ALDH4A1: variants seen among roughly 807,000 people sequenced by gnomAD.
ALDH4A1 encodes aldehyde dehydrogenase 4 family member A1.
ALDH4A1 carries 46 observed loss-of-function variants against 70.5 expected under a neutral mutation model. That is an observed-to-expected ratio of 0.65 (90% confidence interval 0.51 to 0.83). The LOEUF (loss-of-function observed/expected upper bound fraction) is 0.83, where lower values mean the gene tolerates loss of function less well. ALDH4A1 is among the 40% of genes least tolerant of loss of function. The pLI, the probability that ALDH4A1 is intolerant of heterozygous loss-of-function variation, is 0.00. For missense variants in ALDH4A1, 749 were observed against 766.5 expected, an observed-to-expected ratio of 0.98 and a Z score of 0.27; for synonymous variants, 323 against 324.3, an observed-to-expected ratio of 1.00 and a Z score of 0.04.
At chr1:18,887,557 C>CCA (rs1935263856) in intron 3 of ALDH4A1, among the ~76,000 whole-genome samples, 1 of 152,136 alleles carries the variant, frequency 6.6e-6, no homozygotes, top group Non-Finnish European at 1.5e-5. Context: ...CGAGATCGCA[C>CCA]CACTGCACTC....
At chr1:18,885,441 G>GGCCCCCCCCCC in intron 5 of ALDH4A1, 32 bp downstream of exon 5, 1 of 423,744 alleles carries the variant, frequency 2.4e-6, no homozygotes, top group Non-Finnish European at 3.8e-6. Context: ...ACCCCACCCC[G>GGCCCCCCCCCC]CCCCACCCAC....
In ALDH4A1 at chr1:18,883,171, T is replaced by C. The variant is rs1402832186; in HGVS notation, c.631A>G (p.Asn211Asp). 6.2e-7 allele frequency: 1 copy of C among 1,613,150 alleles called. No homozygotes were observed. The highest frequency in any genetic ancestry group is 2.2e-5 in the East Asian group (1 of 44,862). ...AGGTTGCCGCCGATTGCAGTGAAGT[T>C]AAAGGGCGAGATGGCCGCCACGAAG... ...EGFVAAISPF[N>D]FTAIGGNLAG... is the part of the protein sequence containing the mutation. The change falls in exon 7 of 15, where the codon AAC becomes GAC. Residue 211 changes from asparagine to aspartate, a missense_variant. Asn to Asp is a conservative substitution (Grantham distance 23). Transcript: ENST00000375341.
intron 11 of ALDH4A1, among the ~76,000 whole-genome samples, 184 bp downstream of exon 11, chr1:18,877,024 G>A (rs974739171): frequency 1.3e-5 from 2 of 152,198 alleles, no homozygotes; most frequent in African/African-American, 4.8e-5. Context: ...ATGAGCTCTT[G>A]TCTGGCTACG....
chr1:18,889,435 C>A lies in ALDH4A1; in HGVS notation c.176G>T (p.Gly59Val). The change falls in exon 3 of 15, where the codon GGC becomes GTC. Residue 59 changes from glycine (G) to valine (V), a missense_variant. Transcript: ENST00000375341. ...ALQKALKDLK[G>V]RMEAIPCVVG... is the part of the protein sequence containing the mutation. ...CACGCATGGGATGGCTTCCATCCGGCCCTTCAGGTCCTTCAAGGCCTGGGG... is the reference window on the plus strand; with the variant it reads ...CACGCATGGGATGGCTTCCATCCGGACCTTCAGGTCCTTCAAGGCCTGGGG... 1 of 1,552,192 alleles carries A rather than the reference C, an allele frequency of 6.4e-7. No homozygotes were observed. Among genetic ancestry groups the A allele is most frequent in the Non-Finnish European group, 8.7e-7 (1 of 1,147,246 alleles).
chr1:18,875,260 G>A, intron 13 of ALDH4A1, 122 bp downstream of exon 13: 1 of 1,513,864 alleles, frequency 6.6e-7, no homozygotes, highest in East Asian at 2.3e-5. Flanking sequence ...CTGGGCTGAG[G>A]GGAGGGGACA....
Position 18,885,605 on chromosome 1 carries a change from C to T in ALDH4A1, c.321G>A (p.Glu107=), listed in dbSNP as rs768125176. ...ADKSLLNKAI[E]AALAARKEWD... ...ACTCTTTCCGGGCAGCCAGGGCAGC[C>T]TCAATGGCTTTGTTGAGCAGGCTCT... The change falls in exon 5 of 15, where the codon GAG becomes GAA. Residue 107 remains glutamate (E), a synonymous_variant. Coordinates refer to ENST00000375341, the MANE Select transcript of ALDH4A1 (RefSeq NM_003748.4). 1.2e-6 allele frequency: 2 copies of T among 1,614,020 alleles called. No individual in the cohort carries two copies. The highest frequency in any genetic ancestry group is 2.7e-5 in the African/African-American group (2 of 75,044).
chr1:18,889,181 T>C (rs1935336092), intron 3 of ALDH4A1, among the ~76,000 whole-genome samples, 181 bp downstream of exon 3: 1 of 152,200 alleles, frequency 6.6e-6, no homozygotes, highest in African/African-American at 2.4e-5. Context: ...CTGGATGCAG[T>C]GTGGGTGCCG....
intron 1 of ALDH4A1, 135 bp downstream of exon 1, chr1:18,902,327 G>A (rs1935827112): frequency 1.5e-6 from 1 of 665,800 alleles, no homozygotes; most frequent in Non-Finnish European, 2.2e-6. Context: ...GGGAGCCCCT[G>A]AGGAACCCGG....
chr1:18,897,271 A>C, intron 1 of ALDH4A1: 1 of 344,620 alleles, frequency 2.9e-6, no homozygotes, highest in Non-Finnish European at 6.0e-6. Flanking sequence ...GGCCAGGCGC[A>C]GTGGCTCATG....
In ALDH4A1 at chr1:18,877,457, C is replaced by T. The variant is rs41306567; in HGVS notation, c.1096G>A (p.Gly366Arg). 2.1e-3 allele frequency: 3,393 copies of T among 1,594,096 alleles called. 50 individuals are homozygous for T. Among genetic ancestry groups the T allele is most frequent in the South Asian group, 0.013 (1,166 of 88,212 alleles). Residue 366 changes from glycine to arginine, a missense_variant, in exon 10 of 15, where the codon GGG becomes AGG. Transcript: ENST00000375341. ...VPHSLWPQIK[G>R]RLLEEHSRIK... ...CGACTGTGCTCCTCCAGCAGCCGCC[C>T]TTTGATCTGCGGCCACAGCGAGTGC...
intron 1 of ALDH4A1, among the ~76,000 whole-genome samples, chr1:18,891,220 G>T (rs1935419750): frequency 6.6e-6 from 1 of 152,216 alleles, no homozygotes; most frequent in Non-Finnish European, 1.5e-5. Context: ...CTGTAAATGA[G>T]AAGAATGATG....
In ALDH4A1 at chr1:18,898,906, AATT is replaced by A. The variant is rs576716902; in HGVS notation, c.62+3553_62+3555del. Among the ~76,000 whole-genome samples the A allele has an allele frequency of 8.5e-5, 13 of 152,346 alleles. 1 individual carries two copies. In the South Asian group the frequency reaches 2.5e-3, roughly 29 times the overall value. On this transcript the variant is annotated intron_variant, in intron 1 of 14. Coordinates refer to ENST00000375341, the MANE Select transcript of ALDH4A1 (RefSeq NM_003748.4). This position sits in a 1 kb window ranked among gnomAD's most constrained non-coding sequence, Gnocchi z 4.3. Reference sequence around the variant, plus strand: ...AAGTGTGATGATAATCACAGGTTTTAATTATTCTCCAACTCAAATACTCACAGA... The same window carrying A: ...AAGTGTGATGATAATCACAGGTTTTAATTCTCCAACTCAAATACTCACAGA...
At chr1:18,874,609 C>A (rs1162841685) in intron 13 of ALDH4A1, 28 bp from the exon 14 acceptor site, 28 of 1,608,726 alleles carry the variant, frequency 1.7e-5, no homozygotes, top group Non-Finnish European at 2.3e-5. Flanking sequence ...GGTGACAGAG[C>A]AACCAGCTCA....
At chr1:18,878,671 C>T (rs1934832314) in intron 9 of ALDH4A1, among the ~76,000 whole-genome samples, 1 of 152,202 alleles carries the variant, frequency 6.6e-6, no homozygotes, top group African/African-American at 2.4e-5. Context: ...CACTACATGG[C>T]AGACCTTGTC....
chr1:18,894,865 CTTTTTTTT>C (rs34445898), intron 1 of ALDH4A1, among the ~76,000 whole-genome samples: 1 of 109,936 alleles, frequency 9.1e-6, no homozygotes, highest in African/African-American at 3.5e-5. Context: ...TTCTTTCTTT[CTTTTTTTT>C]TTTTTTTTTT....
intron 1 of ALDH4A1, among the ~76,000 whole-genome samples, chr1:18,892,681 C>A (rs1022035441): frequency 6.6e-6 from 1 of 151,306 alleles, no homozygotes; most frequent in Non-Finnish European, 1.5e-5. Context: ...CCCCTCCCCA[C>A]CAACCTCCAC....
intron 3 of ALDH4A1, 85 bp downstream of exon 3, chr1:18,889,277 C>G (rs1935339650): frequency 7.8e-7 from 1 of 1,275,476 alleles, no homozygotes. Context: ...AGTCAGAGCC[C>G]ACACATTATA....
In ALDH4A1 at chr1:18,885,456, G is replaced by GCCCCCCCCCCCCCCCCCCC; in HGVS notation, c.453+16_453+17insGGGGGGGGGGGGGGGGGGG. ...ACCCCACCCCGCCCCACCCACCCGG[G>GCCCCCCCCCCCCCCCCCCC]CCCACCAGCACCTCACCTGTCCCAC... On this transcript the variant is annotated intron_variant, in intron 5 of 14. Coordinates refer to ENST00000375341, the MANE Select transcript of ALDH4A1 (RefSeq NM_003748.4). 1.8e-6 allele frequency: 1 copy of GCCCCCCCCCCCCCCCCCCC among 541,844 alleles called. No homozygotes were observed. Among genetic ancestry groups the GCCCCCCCCCCCCCCCCCCC allele is most frequent in the South Asian group, 1.8e-5 (1 of 56,882 alleles). The allele number at this position is 541,844 out of a possible 1,614,324, so 33.6% of individuals were successfully genotyped here.
intron 5 of ALDH4A1, 119 bp from the exon 6 acceptor site, chr1:18,883,547 C>T: frequency 1.4e-6 from 2 of 1,414,338 alleles, no homozygotes; most frequent in Non-Finnish European, 1.9e-6. Flanking sequence ...GACCAGGAAA[C>T]ATTTGGAGGG....
Sources: allele counts gnomAD v4.1 joint callset (sites outside exome capture counted in the v4.1 genomes callset), GRCh38; gene constraint gnomAD v4.1.1; non-coding constraint Gnocchi (gnomAD v3.1); transcripts MANE v1.5; gene names NCBI Gene and HGNC (gene_info 2026-07-23, HGNC 2026-07-21).